The following ST6GALNAC5 variants were observed in gnomAD, a reference collection of about 807,000 sequenced individuals.
The protein encoded by ST6GALNAC5 is alpha-N-acetylgalactosaminide alpha-2,6-sialyltransferase 5.
Under a neutral mutation model 33.6 loss-of-function variants are expected in ST6GALNAC5, and 27 were observed. That is an observed-to-expected ratio of 0.80 (90% CI 0.59 to 1.11). ST6GALNAC5 has a LOEUF of 1.11. Among genes scored for constraint, ST6GALNAC5 ranks in the 50% least tolerant of loss-of-function variants. The probability of loss-of-function intolerance (pLI) is 0.00; values close to 1 mark genes in which losing one functional copy is unlikely to be tolerated. For synonymous variants in ST6GALNAC5, 194 were observed against 171.2 expected (o/e 1.13, Z -1.04); for missense variants, 428 against 454.0 (o/e 0.94, Z 0.52).
chr1:77,064,019 C>A lies in ST6GALNAC5; in HGVS notation c.*813C>A, dbSNP rs1201326312. The A allele has an allele frequency of 6.6e-6, 1 of 152,320 alleles. No homozygotes were observed. The highest frequency in any genetic ancestry group is 2.4e-5 in the African/African-American group (1 of 41,396). 9.4% of individuals were successfully genotyped at this position (152,320 alleles called of 1,614,324 possible). A position where few individuals can be genotyped will look rare whatever the true frequency, so the allele number is the denominator to read the frequency against. ...GTTCCAAAAGGACAAAATTGAAAAC[C>A]AAAAACTATGTTATTAAAACAAAAA... On this transcript the variant is annotated 3_prime_UTR_variant, in exon 5 of 5. Transcript: ENST00000477717.
chr1:76,980,833 C>G (rs892807956), intron 2 of ST6GALNAC5, among the ~76,000 whole-genome samples: 1 of 151,724 alleles, frequency 6.6e-6, no homozygotes, highest in Non-Finnish European at 1.5e-5. Flanking sequence ...GATGTGATAC[C>G]AAAAACACAA....
chr1:77,020,481 A>G (rs1651012185), intron 2 of ST6GALNAC5, among the ~76,000 whole-genome samples: 1 of 152,050 alleles, frequency 6.6e-6, no homozygotes, highest in Non-Finnish European at 1.5e-5. Flanking sequence ...GCTCACTGCA[A>G]CCTGCACCTC....
intron 2 of ST6GALNAC5, among the ~76,000 whole-genome samples, chr1:76,927,562 G>A (rs1483005858): frequency 6.6e-6 from 1 of 152,040 alleles, no homozygotes; most frequent in Non-Finnish European, 1.5e-5. Flanking sequence ...AGTAGCCCCT[G>A]GGGAAAATAA....
intron 2 of ST6GALNAC5, among the ~76,000 whole-genome samples, chr1:76,923,466 G>A (rs1258064380): frequency 3.3e-5 from 5 of 152,048 alleles, no homozygotes; most frequent in Non-Finnish European, 7.4e-5. Context: ...GCTGAGGCTG[G>A]TGGATCACTT....
intron 2 of ST6GALNAC5, among the ~76,000 whole-genome samples, chr1:76,952,364 G>C (rs1377797558): frequency 1.3e-5 from 2 of 152,120 alleles, no homozygotes; most frequent in Non-Finnish European, 2.9e-5. Context: ...GGTATTTGGA[G>C]AAGGCTCCTT....
intron 2 of ST6GALNAC5, among the ~76,000 whole-genome samples, chr1:76,982,853 A>G (rs1649314415): frequency 6.6e-6 from 1 of 151,150 alleles, no homozygotes; most frequent in African/African-American, 2.4e-5. Flanking sequence ...GTGGGGGCCA[A>G]TATTCAACAT....
chr1:76,906,469 T>C (rs1187865621), intron 2 of ST6GALNAC5, among the ~76,000 whole-genome samples: 1 of 152,204 alleles, frequency 6.6e-6, no homozygotes, highest in African/African-American at 2.4e-5. Context: ...TTGAACTTCC[T>C]GATCAGATAA....
At chr1:76,987,787 C>G (rs1216200361) in intron 2 of ST6GALNAC5, among the ~76,000 whole-genome samples, 3 of 152,108 alleles carry the variant, frequency 2.0e-5, no homozygotes, top group African/African-American at 7.2e-5. Context: ...GATGCTTTTG[C>G]CTCACAACTC....
chr1:77,011,978 A>G (rs966266510), intron 2 of ST6GALNAC5, among the ~76,000 whole-genome samples: 1 of 152,206 alleles, frequency 6.6e-6, no homozygotes, highest in Non-Finnish European at 1.5e-5. Context: ...ATGAGAAAAG[A>G]CAGGCACAAA....
At chr1:77,016,266 GTATCTCCTCCCCCTCATCCTCCTGTA>G (rs1448106496) in intron 2 of ST6GALNAC5, among the ~76,000 whole-genome samples, 1 of 94,412 alleles carries the variant, frequency 1.1e-5, no homozygotes, top group Non-Finnish European at 2.2e-5. Context: ...TCCTCCTCCT[GTATCTCCTCCCCCTCATCCTCCTGTA>G]TCTCCTCCCC....
intron 2 of ST6GALNAC5, among the ~76,000 whole-genome samples, chr1:76,908,616 C>A (rs956616155): frequency 1.3e-5 from 2 of 152,088 alleles, no homozygotes; most frequent in African/African-American, 4.8e-5. Context: ...CCACTTAGAC[C>A]TCACTTCCTT....
At position 76,867,642 on chromosome 1, in the gene ST6GALNAC5, A is replaced by G. The variant is rs770468707; in HGVS notation, c.-34A>G. On this transcript the variant is annotated 5_prime_UTR_variant, in exon 1 of 5. Transcript: ENST00000477717. ...AGGAAAAAGTGGCCCCGGACGCGCGAGCCTGAGGATTCTGCACAAAAGAGG... is the reference window on the plus strand; with the variant it reads ...AGGAAAAAGTGGCCCCGGACGCGCGGGCCTGAGGATTCTGCACAAAAGAGG... The G allele has an allele frequency of 1.9e-6, 3 of 1,613,968 alleles. No homozygotes were observed. The East Asian group carries it at 6.7e-5, about 36-fold the overall frequency.
chr1:77,061,744 A>G (rs995091438), intron 4 of ST6GALNAC5, among the ~76,000 whole-genome samples: 1 of 152,208 alleles, frequency 6.6e-6, no homozygotes, highest in African/African-American at 2.4e-5. Context: ...AAGACTCTTT[A>G]GTGCGTAAAT....
At chr1:76,951,535 G>C (rs1647744738) in intron 2 of ST6GALNAC5, among the ~76,000 whole-genome samples, 1 of 152,084 alleles carries the variant, frequency 6.6e-6, no homozygotes, top group South Asian at 2.1e-4. Context: ...ACCTAATGTA[G>C]ATGACAGGTT....
At chr1:76,915,628 A>G (rs1258422199) in intron 2 of ST6GALNAC5, among the ~76,000 whole-genome samples, 4 of 148,522 alleles carry the variant, frequency 2.7e-5, no homozygotes, top group South Asian at 2.2e-4. Context: ...TCACTCATAG[A>G]TGGGAATTGA....
intron 2 of ST6GALNAC5, among the ~76,000 whole-genome samples, chr1:76,913,452 CTGAA>C (rs1240255470): frequency 1.3e-5 from 2 of 151,912 alleles, no homozygotes; most frequent in Non-Finnish European, 2.9e-5. Flanking sequence ...TTTCCTGAAT[CTGAA>C]TGTTGGCCTG....
At chr1:77,001,613 G>A (rs1313206794) in intron 2 of ST6GALNAC5, among the ~76,000 whole-genome samples, 4 of 151,956 alleles carry the variant, frequency 2.6e-5, no homozygotes, top group Non-Finnish European at 5.9e-5. Context: ...CATTCAGTAT[G>A]ATATTGGCTG....
chr1:77,061,471 G>A (rs1176308278), intron 4 of ST6GALNAC5, among the ~76,000 whole-genome samples: 51 of 152,172 alleles, frequency 3.4e-4, no homozygotes. Flanking sequence ...GCATCTTTGG[G>A]AAACCAAGTT....
chr1:76,969,910 G>A (rs144519898), intron 2 of ST6GALNAC5, among the ~76,000 whole-genome samples: 2 of 152,014 alleles, frequency 1.3e-5, no homozygotes, highest in Non-Finnish European at 2.9e-5. Context: ...AGGCAAACAG[G>A]GTCTGGAGTG....
Sources: gnomAD v4.1 joint callset for allele counts (sites outside exome capture counted in the v4.1 genomes callset) on GRCh38, gnomAD v4.1.1 for gene constraint, MANE v1.5 for transcripts, NCBI Gene and HGNC (gene_info 2026-07-23, HGNC 2026-07-21) for gene names.